RBFOX1: variants seen among roughly 807,000 people sequenced by gnomAD.
RBFOX1 encodes the protein RNA binding protein fox-1 homolog 1.
Under a neutral mutation model 57.7 loss-of-function variants are expected in RBFOX1, and 8 were observed. The ratio of observed to expected loss-of-function variants is 0.14; its 90% CI spans 0.08 to 0.25. The LOEUF (loss-of-function observed/expected upper bound fraction) is 0.25, where lower values mean the gene tolerates loss of function less well. RBFOX1 is among the 10% of genes least tolerant of loss of function. The pLI is 1.00. For synonymous variants in RBFOX1, 326 were observed against 222.4 expected (o/e 1.47, Z -4.15); for missense variants, 611 against 548.5 (o/e 1.11, Z -1.14).
chr16:5,858,416 C>G (rs956301419), intron 3 of RBFOX1, among the ~76,000 whole-genome samples: 43 of 152,192 alleles, frequency 2.8e-4, no homozygotes, highest in African/African-American at 1.0e-3. Flanking sequence ...ACTGCTTTAA[C>G]CTTCCTTAAT....
intron 2 of RBFOX1, among the ~76,000 whole-genome samples, chr16:5,532,208 A>G (rs566340450): frequency 5.3e-5 from 8 of 152,286 alleles, no homozygotes; most frequent in Admixed American, 4.6e-4. Context: ...ACCTTGCAGG[A>G]TGTTGAGCAG....
intron 3 of RBFOX1, among the ~76,000 whole-genome samples, chr16:6,827,964 C>T (rs1300115262): frequency 6.6e-6 from 1 of 152,196 alleles, no homozygotes; most frequent in Non-Finnish European, 1.5e-5. Context: ...AGACTCTATG[C>T]TCTGTAGGGG....
intron 1 of RBFOX1, among the ~76,000 whole-genome samples, chr16:6,082,815 T>G (rs2096024426): frequency 6.6e-6 from 1 of 152,090 alleles, no homozygotes; most frequent in South Asian, 2.1e-4. Context: ...AGGGCCTACC[T>G]TACATAGCTG....
intron 3 of RBFOX1, among the ~76,000 whole-genome samples, chr16:7,002,349 T>A (rs1179738146): frequency 6.6e-6 from 1 of 152,226 alleles, no homozygotes; most frequent in Non-Finnish European, 1.5e-5. Context: ...AGCACATGTG[T>A]TTACACATGA....
At chr16:5,809,156 T>A (rs889113740) in intron 3 of RBFOX1, among the ~76,000 whole-genome samples, 1 of 152,172 alleles carries the variant, frequency 6.6e-6, no homozygotes, top group Non-Finnish European at 1.5e-5. Context: ...TCCTTACACC[T>A]TATACAAAAA....
At chr16:7,261,460 T>C (rs1272487478) in intron 4 of RBFOX1, among the ~76,000 whole-genome samples, 1 of 152,164 alleles carries the variant, frequency 6.6e-6, no homozygotes, top group Non-Finnish European at 1.5e-5. Flanking sequence ...GCTTGTTGAG[T>C]AAGTGAGTGT....
At chr16:5,859,952 G>C (rs186614241) in intron 3 of RBFOX1, among the ~76,000 whole-genome samples, 7 of 152,292 alleles carry the variant, frequency 4.6e-5, no homozygotes, top group African/African-American at 7.2e-5. Context: ...GGAAGCCTGG[G>C]CTCCCGTGGG....
At chr16:6,839,210 C>A (rs938209648) in intron 3 of RBFOX1, among the ~76,000 whole-genome samples, 18 of 151,852 alleles carry the variant, frequency 1.2e-4, no homozygotes, top group African/African-American at 4.3e-4. Flanking sequence ...TTCTCGAATT[C>A]CTGACCTCAA....
At chr16:6,489,283 T>G (rs1328508701) in intron 2 of RBFOX1, among the ~76,000 whole-genome samples, 1 of 152,210 alleles carries the variant, frequency 6.6e-6, no homozygotes, top group Non-Finnish European at 1.5e-5. Flanking sequence ...CAAATGGCAT[T>G]ATTTTCCTCT....
intron 1 of RBFOX1, among the ~76,000 whole-genome samples, chr16:5,354,427 T>G (rs2065337873): frequency 6.6e-6 from 1 of 152,192 alleles, no homozygotes; most frequent in South Asian, 2.1e-4. Flanking sequence ...CTTAGGCAAG[T>G]CACTTGATCT....
intron 3 of RBFOX1, among the ~76,000 whole-genome samples, chr16:6,984,748 C>T (rs746754663): frequency 1.3e-5 from 2 of 152,100 alleles, no homozygotes; most frequent in Non-Finnish European, 2.9e-5. Context: ...TCATGAAATT[C>T]TCCTGCCTCA....
At chr16:7,182,213 C>A (rs1437024480) in intron 4 of RBFOX1, among the ~76,000 whole-genome samples, 1 of 152,116 alleles carries the variant, frequency 6.6e-6, no homozygotes, top group Non-Finnish European at 1.5e-5. Context: ...AGATTATAAG[C>A]TACATGAAGT....
chr16:6,607,363 A>G (rs1265018088), intron 2 of RBFOX1, among the ~76,000 whole-genome samples: 1 of 150,920 alleles, frequency 6.6e-6, no homozygotes, highest in Non-Finnish European at 1.5e-5. Flanking sequence ...TAAATGTTAT[A>G]ACCATATGAC....
At chr16:6,856,450 C>T (rs1028721951) in intron 3 of RBFOX1, among the ~76,000 whole-genome samples, 2 of 152,102 alleles carry the variant, frequency 1.3e-5, no homozygotes. Flanking sequence ...AGCAGGACCA[C>T]CTGAGCCACT....
chr16:5,765,479 C>G (rs1318304722), intron 3 of RBFOX1, among the ~76,000 whole-genome samples: 3 of 152,172 alleles, frequency 2.0e-5, no homozygotes, highest in Non-Finnish European at 4.4e-5. Context: ...ACCACAGTTA[C>G]CATGAGAGGC....
chr16:5,953,083 T>C (rs1262977556), intron 4 of RBFOX1, among the ~76,000 whole-genome samples: 1 of 138,834 alleles, frequency 7.2e-6, no homozygotes, highest in Non-Finnish European at 1.5e-5. Flanking sequence ...GATTTAGCTC[T>C]GCCTCTGTAG....
intron 4 of RBFOX1, among the ~76,000 whole-genome samples, chr16:7,065,966 C>T (rs1568619220): frequency 1.3e-5 from 2 of 152,012 alleles, no homozygotes; most frequent in Non-Finnish European, 2.9e-5. Flanking sequence ...GTGTAAAACC[C>T]TATACCCAGA....
chr16:7,597,605 G>A (rs919153388), intron 9 of RBFOX1, among the ~76,000 whole-genome samples, 174 bp downstream of exon 9: 2 of 152,172 alleles, frequency 1.3e-5, no homozygotes, highest in African/African-American at 4.8e-5. Context: ...TCACAACAAA[G>A]GCAAATGGAG....
intron 3 of RBFOX1, among the ~76,000 whole-genome samples, chr16:6,758,066 C>T (rs565657886): frequency 1.8e-4 from 28 of 152,134 alleles, no homozygotes; most frequent in Non-Finnish European, 3.2e-4. Context: ...TTCTTTATAC[C>T]AATAAGAAGG....
Sources: gnomAD v4.1 joint callset for allele counts (sites outside exome capture counted in the v4.1 genomes callset) on GRCh38, gnomAD v4.1.1 for gene constraint, MANE v1.5 for transcripts, NCBI Gene and HGNC (gene_info 2026-07-23, HGNC 2026-07-21) for gene names.